EML6: variants seen among roughly 807,000 people sequenced by gnomAD.
The protein encoded by EML6 is echinoderm microtubule-associated protein-like 6.
In EML6, 154 loss-of-function variants were observed where a neutral mutation model predicts 240.1. The observed-to-expected ratio is 0.64, with a 90% confidence interval of 0.56 to 0.73. The LOEUF (loss-of-function observed/expected upper bound fraction) is 0.73, where lower values mean the gene tolerates loss of function less well. EML6 is among the 30% of genes least tolerant of loss of function. EML6 has a pLI of 0.00. For missense variants in EML6, 2,964 were observed against 2,474.6 expected (o/e 1.20, Z -4.20); for synonymous variants, 1,148 against 899.0 (o/e 1.28, Z -4.95).
chr2:54,799,850 G>T (rs919824192), intron 2 of EML6, among the ~76,000 whole-genome samples: 9 of 152,248 alleles, frequency 5.9e-5, no homozygotes, highest in Non-Finnish European at 8.8e-5. Context: ...TCTTTGCTCA[G>T]TTTGTTACTA....
At chr2:54,869,056 A>G (rs1005393787) in intron 14 of EML6, 125 bp from the exon 15 acceptor site, 4 of 597,302 alleles carry the variant, frequency 6.7e-6, no homozygotes, top group Middle Eastern at 4.5e-4. Flanking sequence ...TTGCTGTCCT[A>G]TGTGACACCT....
chr2:54,769,781 A>G (rs1035295861), intron 2 of EML6, among the ~76,000 whole-genome samples: 1 of 152,174 alleles, frequency 6.6e-6, no homozygotes, highest in Non-Finnish European at 1.5e-5. Flanking sequence ...TAAGTGTGTG[A>G]TACAGTGTTG....
At chr2:54,947,185 G>A (rs1675735077) in intron 28 of EML6, among the ~76,000 whole-genome samples, 1 of 152,002 alleles carries the variant, frequency 6.6e-6, no homozygotes, top group South Asian at 2.1e-4. Flanking sequence ...ACGTTCTTAG[G>A]TGAAAGAAGA....
Position 54,899,670 on chromosome 2 carries a change from G to A in EML6, c.3012G>A (p.Leu1004=), listed in dbSNP as rs763729228. 3 of 1,553,750 alleles carry A rather than the reference G, an allele frequency of 1.9e-6. No homozygotes were observed. The highest frequency in any genetic ancestry group is 2.6e-6 in the Non-Finnish European group (3 of 1,148,200). Residue 1004 remains leucine, a synonymous_variant, in exon 22 of 42, where the codon TTG becomes TTA. Coordinates refer to ENST00000356458, the MANE Select transcript of EML6 (RefSeq NM_001039753.4). Reference sequence around the variant, plus strand: ...ACATGGAAGGAGAAGTGTGGGGGTTGGCAGCTCACCCTCTCCTGCCCATCT... The same window carrying A: ...ACATGGAAGGAGAAGTGTGGGGGTTAGCAGCTCACCCTCTCCTGCCCATCT... ...QGHMEGEVWG[L]AAHPLLPICA... is the part of the protein sequence containing the mutation.
chr2:54,901,238 C>T (rs1673041521), intron 22 of EML6, among the ~76,000 whole-genome samples: 1 of 152,184 alleles, frequency 6.6e-6, no homozygotes, highest in Non-Finnish European at 1.5e-5. Flanking sequence ...CAAACCCATG[C>T]AGTGTGACTG....
intron 17 of EML6, among the ~76,000 whole-genome samples, chr2:54,887,655 A>G (rs954123419): frequency 6.6e-6 from 1 of 152,228 alleles, no homozygotes; most frequent in African/African-American, 2.4e-5. Context: ...TTAAGTCTCT[A>G]AATAGTTTAG....
At chr2:54,823,569 G>A (rs1015478121) in intron 5 of EML6, among the ~76,000 whole-genome samples, 19 of 152,164 alleles carry the variant, frequency 1.2e-4, no homozygotes, top group African/African-American at 4.3e-4. Flanking sequence ...ATCTGCCAAC[G>A]TGAGTTTCTG....
intron 29 of EML6, among the ~76,000 whole-genome samples, chr2:54,949,610 A>T (rs745349153): frequency 1.3e-5 from 2 of 152,178 alleles, no homozygotes; most frequent in Non-Finnish European, 2.9e-5. Context: ...TCTCTCTGAC[A>T]CATGCCCCAA....
In EML6 at chr2:54,879,659, C is replaced by A; in HGVS notation, c.2438+19C>A. 4.2e-6 allele frequency: 6 copies of A among 1,428,770 alleles called. No individual in the cohort carries two copies. The highest frequency in any genetic ancestry group is 5.8e-6 in the Non-Finnish European group (6 of 1,035,178). 88.5% of individuals were successfully genotyped at this position (1,428,770 alleles called of 1,614,324 possible). On this transcript the variant is annotated intron_variant, in intron 17 of 41. Transcript: ENST00000356458. ...CAACAAGGTAAGAAGCTGCCGGGATCTTACGGTATCCTGCTGATACCACGG... is the reference window on the plus strand; with the variant it reads ...CAACAAGGTAAGAAGCTGCCGGGATATTACGGTATCCTGCTGATACCACGG...
At chr2:54,749,893 A>G (rs1221510002) in intron 2 of EML6, among the ~76,000 whole-genome samples, 2 of 152,214 alleles carry the variant, frequency 1.3e-5, no homozygotes, top group Non-Finnish European at 2.9e-5. Flanking sequence ...TAATGACATG[A>G]ATTTAACATG....
Position 54,903,608 on chromosome 2 carries a change from G to C in EML6, c.3409+106G>C, listed in dbSNP as rs562799266. 15 of 952,098 alleles carry C rather than the reference G, an allele frequency of 1.6e-5. No homozygotes were observed. In the South Asian group the frequency reaches 2.8e-4, roughly 18 times the overall value. 59.0% of individuals were successfully genotyped at this position (952,098 alleles called of 1,614,324 possible). A position where few individuals can be genotyped will look rare whatever the true frequency, so the allele number is the denominator to read the frequency against. On this transcript the variant is annotated intron_variant, in intron 24 of 41. Transcript: ENST00000356458. ...CAGTTGAGTGTTAGAAATGGGAAAG[G>C]GGAATCCCACAACAATATAAACGAC... is the stretch of plus-strand genomic sequence containing the variant.
chr2:54,849,376 C>G (rs997942773), intron 9 of EML6, among the ~76,000 whole-genome samples: 3 of 152,228 alleles, frequency 2.0e-5, no homozygotes, highest in South Asian at 2.1e-4. Context: ...TTCTATCACA[C>G]TGCAGTTTGT....
chr2:54,773,465 G>C (rs567966280), intron 2 of EML6, among the ~76,000 whole-genome samples: 64 of 152,364 alleles, frequency 4.2e-4, no homozygotes, highest in African/African-American at 1.5e-3. Context: ...GCCAGTGGCA[G>C]ATCATGCCTG....
At chr2:54,872,234 G>C (rs1184339175) in intron 16 of EML6, among the ~76,000 whole-genome samples, 2 of 152,056 alleles carry the variant, frequency 1.3e-5, no homozygotes, top group African/African-American at 2.4e-5. Context: ...TTGAGAATGA[G>C]GGCCTATCAC....
At chr2:54,934,595 A>G (rs1675038803) in intron 28 of EML6, among the ~76,000 whole-genome samples, 1 of 152,024 alleles carries the variant, frequency 6.6e-6, no homozygotes. Context: ...TGTTGCCCAG[A>G]GTGTAGTATG....
chr2:54,925,571 C>T (rs185136693), intron 26 of EML6, among the ~76,000 whole-genome samples: 4 of 152,224 alleles, frequency 2.6e-5, no homozygotes, highest in Non-Finnish European at 4.4e-5. Context: ...GCATCTCTTC[C>T]GGGCATTTTT....
intron 24 of EML6, among the ~76,000 whole-genome samples, chr2:54,907,945 TAAGATAGA>T (rs1193626647): frequency 4.1e-4 from 9 of 22,108 alleles, no homozygotes; most frequent in Non-Finnish European, 7.3e-4. Context: ...GATAGATAGA[TAAGATAGA>T]TAGATAGATA....
chr2:54,733,953 C>G (rs1454188255), intron 2 of EML6, among the ~76,000 whole-genome samples: 2 of 152,246 alleles, frequency 1.3e-5, no homozygotes, highest in East Asian at 1.9e-4. Context: ...CAAATGATTT[C>G]TTGATGCACA....
intron 2 of EML6, among the ~76,000 whole-genome samples, chr2:54,761,131 CATT>C (rs972021866): frequency 2.0e-5 from 3 of 152,020 alleles, no homozygotes; most frequent in African/African-American, 7.2e-5. Flanking sequence ...TAACTCTCAT[CATT>C]GTTGAGAAAT....
Sources: gnomAD v4.1 joint callset for allele counts (sites outside exome capture counted in the v4.1 genomes callset) on GRCh38, gnomAD v4.1.1 for gene constraint, MANE v1.5 for transcripts, NCBI Gene and HGNC (gene_info 2026-07-23, HGNC 2026-07-21) for gene names.